The following HERC1 variants were observed in gnomAD, a reference collection of about 807,000 sequenced individuals.
The protein encoded by HERC1 is HECT and RLD domain containing E3 ubiquitin protein ligase family member 1.
In HERC1, 160 loss-of-function variants were observed where a neutral mutation model predicts 554.3. The ratio of observed to expected loss-of-function variants is 0.29; its 90% CI spans 0.25 to 0.33. The LOEUF (loss-of-function observed/expected upper bound fraction) is 0.33. Among genes scored for constraint, HERC1 ranks in the 10% least tolerant of loss-of-function variants. HERC1 has a pLI of 1.00. For synonymous variants in HERC1, 2,175 were observed against 2,131.7 expected (o/e 1.02, Z -0.56); for missense variants, 4,919 against 5,918.5 (o/e 0.83, Z 5.54).
intron 1 of HERC1, among the ~76,000 whole-genome samples, chr15:63,822,585 C>CAA (rs970508429): frequency 5.9e-5 from 8 of 136,000 alleles, no homozygotes; most frequent in African/African-American, 1.9e-4. Context: ...GACTCTGTCT[C>CAA]AAAAAAAAAA....
intron 63 of HERC1, 73 bp downstream of exon 63, chr15:63,638,338 A>G: frequency 3.4e-6 from 5 of 1,466,254 alleles, no homozygotes; most frequent in Non-Finnish European, 4.7e-6. Context: ...GCTTTATCCC[A>G]CAATAAGACA....
At chr15:63,641,323 G>T in intron 60 of HERC1, 147 bp downstream of exon 60, 1 of 575,420 alleles carries the variant, frequency 1.7e-6, no homozygotes, top group Non-Finnish European at 2.8e-6. Flanking sequence ...ACTCTTTTAG[G>T]CATGACTTAC....
At chr15:63,750,481 T>G (rs139898201) in intron 8 of HERC1, among the ~76,000 whole-genome samples, 4 of 152,096 alleles carry the variant, frequency 2.6e-5, no homozygotes, top group Non-Finnish European at 5.9e-5. Flanking sequence ...ATCAAAACAA[T>G]CAGCAATCTG....
intron 12 of HERC1, among the ~76,000 whole-genome samples, chr15:63,745,816 T>C (rs2075034964): frequency 1.3e-5 from 2 of 152,256 alleles, no homozygotes; most frequent in Non-Finnish European, 2.9e-5. Flanking sequence ...TGGAGCCTTC[T>C]ATTCCACCAT....
At position 63,809,634 on chromosome 15, in the gene HERC1, T is replaced by C. The variant is rs182095388; in HGVS notation, c.-27+24193A>G. Among the ~76,000 whole-genome samples, 14 of 152,254 alleles carry C rather than the reference T, an allele frequency of 9.2e-5. No individual in the cohort carries two copies. The East Asian group carries it at 2.3e-3, about 25-fold the overall frequency. Reference sequence around the variant, plus strand: ...CCTAAAATAAAAGAGGAACAATATATTGAACTTGTACGGAGTTGAATTTTA... The same window carrying C: ...CCTAAAATAAAAGAGGAACAATATACTGAACTTGTACGGAGTTGAATTTTA... On this transcript the variant is annotated intron_variant, in intron 1 of 77. Coordinates refer to ENST00000443617, the MANE Select transcript of HERC1 (RefSeq NM_003922.4).
chr15:63,741,617 G>C (rs890824316), intron 12 of HERC1, among the ~76,000 whole-genome samples: 4 of 152,122 alleles, frequency 2.6e-5, no homozygotes, highest in African/African-American at 9.7e-5. Context: ...TCTTTTATGA[G>C]TTTTACAGTT....
rs767556358 is a variant in HERC1, at chr15:63,636,168, G to A, written c.12233-26C>T. 3.7e-6 allele frequency: 6 copies of A among 1,600,266 alleles called. No homozygotes were observed. The Admixed American group carries it at 1.0e-4, about 27-fold the overall frequency. On this transcript the variant is annotated intron_variant, in intron 64 of 77. Transcript: ENST00000443617. The stretch of plus-strand genomic sequence containing the variant: ...CTGGAACAGAACAGAAACCCAACAG[G>A]AGTCACTGGATGTTAAAACTCTCCT...
At chr15:63,689,934 C>A (rs992363014) in intron 32 of HERC1, among the ~76,000 whole-genome samples, 2 of 152,044 alleles carry the variant, frequency 1.3e-5, no homozygotes, top group Admixed American at 6.5e-5. Context: ...GAGGCTGAGG[C>A]GGGTGGATTG....
At chr15:63,716,771 C>T (rs912305860) in intron 21 of HERC1, among the ~76,000 whole-genome samples, 17 of 152,222 alleles carry the variant, frequency 1.1e-4, no homozygotes, top group African/African-American at 3.9e-4. Context: ...AGAGCTGCAA[C>T]TTAGTAAGTT....
rs1596182020 is a variant in HERC1, at chr15:63,761,354, AG to A, written c.1026+2741del. On this transcript the variant is annotated intron_variant, in intron 3 of 77. Coordinates refer to ENST00000443617, the MANE Select transcript of HERC1 (RefSeq NM_003922.4). ...CAGTACTTTGGGAGCCCGAGGTAGA[AG>A]GATCACTTGAGCTCAGGAGTTTAAG... is the stretch of plus-strand genomic sequence containing the variant. 8.5e-5 allele frequency among the ~76,000 whole-genome samples: 13 copies of A among 152,262 alleles called. No homozygotes were observed. The South Asian group carries it at 2.7e-3, about 32-fold the overall frequency.
chr15:63,766,022 G>A (rs1406419337), intron 2 of HERC1, among the ~76,000 whole-genome samples: 1 of 151,958 alleles, frequency 6.6e-6, no homozygotes, highest in African/African-American at 2.4e-5. Flanking sequence ...AACCTAAATT[G>A]ATTTGCGACC....
chr15:63,678,177 T>C lies in HERC1; in HGVS notation c.6738A>G (p.Ile2246Met). The change falls in exon 37 of 78, where the codon ATA becomes ATG. Residue 2246 changes from isoleucine (I) to methionine (M), a missense_variant. Around this residue, in one of 11 missense-constraint regions of HERC1, gnomAD observed 1,963 missense variants for 2,228.6 expected, o/e 0.88. Transcript: ENST00000443617. ...KMMERLHKIK[I>M]CIKESGQKLK... ...GCTTCTGACCTGACTCTTTAATACA[T>C]ATCTTAATTTTGTGAAGCCTTTCCA... 1 of 1,613,826 alleles carries C rather than the reference T, an allele frequency of 6.2e-7. No homozygotes were observed. The highest frequency in any genetic ancestry group is 8.5e-7 in the Non-Finnish European group (1 of 1,179,828).
In HERC1 at chr15:63,749,625, C is replaced by T. The variant is rs750396088; in HGVS notation, c.2047+22G>A. 6.3e-7 allele frequency: 1 copy of T among 1,593,772 alleles called. No homozygotes were observed. The highest frequency in any genetic ancestry group is 2.3e-5 in the East Asian group (1 of 43,690). ...CACAAGACAACAGTTAATACTATTT[C>T]CTTAAAAACAAATGACTTTACCATG... On this transcript the variant is annotated intron_variant, in intron 9 of 77. Coordinates refer to ENST00000443617, the MANE Select transcript of HERC1 (RefSeq NM_003922.4). The surrounding 1 kb of genome is among the most constrained non-coding windows in gnomAD (Gnocchi z 4.1).
chr15:63,760,752 G>C (rs2075585041), intron 3 of HERC1, among the ~76,000 whole-genome samples: 1 of 151,802 alleles, frequency 6.6e-6, no homozygotes, highest in Admixed American at 6.6e-5. Flanking sequence ...ACCCAATCAA[G>C]GGAATAAAAA....
At chr15:63,679,994 A>G in intron 36 of HERC1, 83 bp downstream of exon 36, 1 of 917,952 alleles carries the variant, frequency 1.1e-6, no homozygotes. Context: ...CAGAAGAAAT[A>G]GCTTATTATA....
Position 63,628,738 on chromosome 15 carries a change from G to A in HERC1, c.13044C>T (p.Ile4348=), listed in dbSNP as rs2152791845. The A allele has an allele frequency of 3.1e-6, 5 of 1,613,920 alleles. No homozygotes were observed. In the East Asian group the frequency reaches 1.1e-4, roughly 36 times the overall value. Residue 4348 remains isoleucine (I), a synonymous_variant, in exon 70 of 78, where the codon ATC becomes ATT. Transcript: ENST00000443617. ...TGLQGKNVRQ[I]SAGRCHSAAW... is the part of the protein sequence containing the mutation. ...CAGCACTGTGGCAGCGGCCAGCCGA[G>A]ATCTGCCGAACATTTTTCCCTTGCA...
At chr15:63,699,811 G>C (rs1263113804) in intron 25 of HERC1, among the ~76,000 whole-genome samples, 1 of 152,084 alleles carries the variant, frequency 6.6e-6, no homozygotes, top group Non-Finnish European at 1.5e-5. Flanking sequence ...AACAGCAACT[G>C]TCCAAGTCAT....
chr15:63,794,239 T>C (rs1457313055), intron 1 of HERC1, among the ~76,000 whole-genome samples: 1 of 152,148 alleles, frequency 6.6e-6, no homozygotes, highest in Non-Finnish European at 1.5e-5. Flanking sequence ...CTTTACTTTC[T>C]TAATAAACTT....
intron 12 of HERC1, among the ~76,000 whole-genome samples, chr15:63,744,357 A>G (rs2074974577): frequency 6.6e-6 from 1 of 152,110 alleles, no homozygotes. Context: ...GCTATTGCCT[A>G]TGTTCGCTCA....
Sources: allele counts gnomAD v4.1 joint callset (sites outside exome capture counted in the v4.1 genomes callset), GRCh38; gene constraint gnomAD v4.1.1; regional missense constraint gnomAD v4.1.1; non-coding constraint Gnocchi (gnomAD v3.1); transcripts MANE v1.5; gene names NCBI Gene and HGNC (gene_info 2026-07-23, HGNC 2026-07-21).